Variants in RC3H1 observed in about 807,000 individuals in gnomAD.
RC3H1 encodes the protein roquin-1.
Under a neutral mutation model 138.2 loss-of-function variants are expected in RC3H1, and 50 were observed. The observed-to-expected ratio is 0.36, with a 90% CI of 0.29 to 0.46. The LOEUF (loss-of-function observed/expected upper bound fraction) is 0.46. Ranked by LOEUF, RC3H1 falls within the 20% of genes least tolerant of loss-of-function variation. The probability of loss-of-function intolerance (pLI) is 1.00; values close to 1 mark genes in which losing one functional copy is unlikely to be tolerated. For synonymous variants in RC3H1, 462 were observed against 489.1 expected, an observed-to-expected ratio of 0.94 and a Z score of 0.73; for missense variants, 1,031 against 1,388.1, an observed-to-expected ratio of 0.74 and a Z score of 4.09.
chr1:173,993,693 A>C (rs1466726884), intron 1 of RC3H1, among the ~76,000 whole-genome samples: 1 of 151,372 alleles, frequency 6.6e-6, no homozygotes, highest in Non-Finnish European at 1.5e-5. Flanking sequence ...ATGCCCAGCT[A>C]AATCTCTAAT....
chr1:173,931,676 T>C lies in RC3H1; in HGVS notation c.*7045A>G, dbSNP rs1431805635. On this transcript the variant is annotated 3_prime_UTR_variant, in exon 20 of 20. Coordinates refer to ENST00000367696, the MANE Select transcript of RC3H1 (RefSeq NM_172071.4). ...GAAAAACGGTCTATTTCAAATAGGG[T>C]TCTTTTTCCTACTCCAAAAGAACTC... 1 of 152,124 alleles carries C rather than the reference T, an allele frequency of 6.6e-6. No individual in the cohort carries two copies. The highest frequency in any genetic ancestry group is 1.5e-5 in the Non-Finnish European group (1 of 68,018). The allele number at this position is 152,124 out of a possible 1,614,324, so 9.4% of individuals were successfully genotyped here.
At chr1:173,963,911 A>C in intron 11 of RC3H1, 62 bp downstream of exon 11, 1 of 1,358,060 alleles carries the variant, frequency 7.4e-7, no homozygotes, top group Non-Finnish European at 1.0e-6. Context: ...GATCACTCTG[A>C]CCTGAAGAAC....
In RC3H1 at chr1:173,935,836, A is replaced by C. The variant is rs75162903; in HGVS notation, c.*2885T>G. 2.1e-4 allele frequency: 32 copies of C among 152,358 alleles called. 1 individual carries two copies. In the East Asian group the frequency reaches 5.4e-3, roughly 26 times the overall value. 9.4% of individuals were successfully genotyped at this position (152,358 alleles called of 1,614,324 possible). A position where few individuals can be genotyped will look rare whatever the true frequency, so the allele number is the denominator to read the frequency against. On this transcript the variant is annotated 3_prime_UTR_variant, in exon 20 of 20. Transcript: ENST00000367696. ...AGGTGGAATGACCAATTTAAAATAC[A>C]TTATAGGCACAATGGGACAATATAC...
At chr1:173,972,309 T>C (rs1660390136) in intron 8 of RC3H1, among the ~76,000 whole-genome samples, 200 bp downstream of exon 8, 1 of 152,232 alleles carries the variant, frequency 6.6e-6, no homozygotes, top group Non-Finnish European at 1.5e-5. Flanking sequence ...TTAATGTCAA[T>C]ATTGTCAGAT....
rs1270522299 is a variant in RC3H1 at position 173,984,616 on chromosome 1, G to T, written c.235C>A (p.Pro79Thr). ...CACAAAGTAATAGGCTGCTGCTCAG[G>T]GACCTGGAGGCCAAAAGAAAAGATC... ...ALLQLVGAQV[P>T]EQQPITLCSG... Residue 79 changes from proline to threonine, a missense_variant, in exon 3 of 20, where the codon CCT (proline) becomes ACT (threonine). Coordinates refer to ENST00000367696, the MANE Select transcript of RC3H1 (RefSeq NM_172071.4). The T allele has an allele frequency of 5.6e-6, 9 of 1,611,136 alleles. No homozygotes were observed. Among genetic ancestry groups the T allele is most frequent in the Non-Finnish European group, 7.6e-6 (9 of 1,179,228 alleles).
intron 1 of RC3H1, among the ~76,000 whole-genome samples, chr1:174,000,242 T>C (rs965567668): frequency 6.6e-6 from 1 of 152,244 alleles, no homozygotes. Flanking sequence ...ATCTGTTCTA[T>C]GAGCACAGCA....
intron 7 of RC3H1, among the ~76,000 whole-genome samples, chr1:173,975,551 A>C (rs922812155): frequency 2.6e-5 from 4 of 152,176 alleles, no homozygotes; most frequent in Non-Finnish European, 5.9e-5. Context: ...AATGCATTCC[A>C]ATTTCAGAAA....
intron 13 of RC3H1, among the ~76,000 whole-genome samples, chr1:173,959,582 C>T (rs528576032): frequency 6.6e-6 from 1 of 151,870 alleles, no homozygotes; most frequent in East Asian, 1.9e-4. Flanking sequence ...ACCATCTTGG[C>T]CAACATGGTG....
chr1:173,972,661 T>C, intron 7 of RC3H1, 34 bp from the exon 8 acceptor site: 3 of 1,434,806 alleles, frequency 2.1e-6, no homozygotes, highest in Non-Finnish European at 2.9e-6. Flanking sequence ...TAAACTCTAA[T>C]GTTACTCAAA....
In RC3H1 at chr1:173,946,731, A is replaced by G; in HGVS notation, c.2828+15T>C. On this transcript the variant is annotated intron_variant, in intron 16 of 19. Coordinates refer to ENST00000367696, the MANE Select transcript of RC3H1 (RefSeq NM_172071.4). ...GTTTCTACATGTTTGTTCAAGTAAA[A>G]AGAATGACTCATACCTCTCACTGAA... 1 of 1,609,932 alleles carries G rather than the reference A, an allele frequency of 6.2e-7. No individual in the cohort carries two copies. Among genetic ancestry groups the G allele is most frequent in the Non-Finnish European group, 8.5e-7 (1 of 1,176,802 alleles).
intron 7 of RC3H1, among the ~76,000 whole-genome samples, chr1:173,974,472 A>G (rs1470413975): frequency 1.3e-5 from 2 of 152,122 alleles, no homozygotes; most frequent in Non-Finnish European, 2.9e-5. Context: ...TCCATACAAC[A>G]CACCACAAAA....
At chr1:173,999,114 C>T (rs918136065) in intron 1 of RC3H1, among the ~76,000 whole-genome samples, 2 of 148,926 alleles carry the variant, frequency 1.3e-5, no homozygotes, top group Admixed American at 6.7e-5. Flanking sequence ...AACTGTTGGG[C>T]GTGGTGGCTC....
chr1:174,021,663 G>A (rs1422467132), intron 1 of RC3H1, among the ~76,000 whole-genome samples: 2 of 152,116 alleles, frequency 1.3e-5, no homozygotes, highest in Non-Finnish European at 2.9e-5. Flanking sequence ...GAGGTGCTGG[G>A]AGGCCGAGGC....
At position 173,939,767 on chromosome 1, in the gene RC3H1, G is replaced by A. The variant is rs569762343; in HGVS notation, c.3252-896C>T. 1.0e-4 allele frequency among the ~76,000 whole-genome samples: 15 copies of A among 149,230 alleles called. No homozygotes were observed. The South Asian group carries it at 2.4e-3, about 23-fold the overall frequency. On this transcript the variant is annotated intron_variant, in intron 19 of 19. Transcript: ENST00000367696. ...GGAGAATCACTTAAATCCAGGAGGC[G>A]GAAGTTGCAGTGAGCCGAGATCATG...
At chr1:173,997,537 ATT>A (rs1479559171) in intron 1 of RC3H1, among the ~76,000 whole-genome samples, 1 of 152,158 alleles carries the variant, frequency 6.6e-6, no homozygotes, top group Non-Finnish European at 1.5e-5. Context: ...TCCTTTATTA[ATT>A]TTGTTTATCA....
At chr1:174,017,706 T>C (rs1486335375) in intron 1 of RC3H1, among the ~76,000 whole-genome samples, 2 of 148,494 alleles carry the variant, frequency 1.3e-5, no homozygotes, top group African/African-American at 5.0e-5. Context: ...TGGTTAATGT[T>C]ATGTGACTTA....
intron 1 of RC3H1, among the ~76,000 whole-genome samples, chr1:174,017,610 G>A (rs1190203662): frequency 6.6e-6 from 1 of 151,746 alleles, no homozygotes; most frequent in Non-Finnish European, 1.5e-5. Context: ...TTCCTTTTGG[G>A]GTAATGAACA....
At chr1:173,994,347 C>T (rs1459809900) in intron 1 of RC3H1, among the ~76,000 whole-genome samples, 1 of 151,988 alleles carries the variant, frequency 6.6e-6, no homozygotes, top group Non-Finnish European at 1.5e-5. Flanking sequence ...GAGCCGAGAT[C>T]CGCCACTGTA....
rs1658557222 is a variant in RC3H1 at position 173,935,805 on chromosome 1, T to C, written c.*2916A>G. 1 of 152,194 alleles carries C rather than the reference T, an allele frequency of 6.6e-6. No homozygotes were observed. Among genetic ancestry groups the C allele is most frequent in the Non-Finnish European group, 1.5e-5 (1 of 68,036 alleles). 9.4% of individuals were successfully genotyped at this position (152,194 alleles called of 1,614,324 possible). A position where few individuals can be genotyped will look rare whatever the true frequency, so the allele number is the denominator to read the frequency against. ...CTAGGAAAGCTGCAAGAATTTCCAT[T>C]AGGTAAGGTGGAATGACCAATTTAA... On this transcript the variant is annotated 3_prime_UTR_variant, in exon 20 of 20. Transcript: ENST00000367696.
Sources: allele counts gnomAD v4.1 joint callset (sites outside exome capture counted in the v4.1 genomes callset), GRCh38; gene constraint gnomAD v4.1.1; transcripts MANE v1.5; gene names NCBI Gene and HGNC (gene_info 2026-07-23, HGNC 2026-07-21).